The following LSAMP variants were observed in gnomAD, a reference collection of about 807,000 sequenced individuals.
LSAMP encodes limbic system-associated membrane protein.
In LSAMP, 7 loss-of-function variants were observed where a neutral mutation model predicts 38.6. The ratio of observed to expected loss-of-function variants is 0.18; its 90% CI spans 0.10 to 0.34. LSAMP has a LOEUF of 0.34. LSAMP is among the 10% of genes least tolerant of loss of function. The pLI, the probability that LSAMP is intolerant of heterozygous loss-of-function variation, is 1.00. For synonymous variants in LSAMP, 154 were observed against 166.8 expected (o/e 0.92, Z 0.59); for missense variants, 313 against 420.0 (o/e 0.75, Z 2.23).
At chr3:115,815,275 A>G (rs756777844) in intron 6 of LSAMP, among the ~76,000 whole-genome samples, 20 of 152,218 alleles carry the variant, frequency 1.3e-4, no homozygotes, top group Non-Finnish European at 2.8e-4. Flanking sequence ...ATACGTATGT[A>G]TATGAAAAAA....
intron 3 of LSAMP, among the ~76,000 whole-genome samples, chr3:115,915,002 T>C (rs1334723790): frequency 6.6e-6 from 1 of 152,176 alleles, no homozygotes; most frequent in Non-Finnish European, 1.5e-5. Flanking sequence ...GTGTGTTAGG[T>C]ACTTCTTTTA....
chr3:115,948,478 C>T (rs1245272592), intron 3 of LSAMP, among the ~76,000 whole-genome samples: 5 of 151,996 alleles, frequency 3.3e-5, no homozygotes, highest in Non-Finnish European at 7.4e-5. Flanking sequence ...CCAAAAAGAA[C>T]CCTCAAAACC....
intron 2 of LSAMP, among the ~76,000 whole-genome samples, chr3:116,063,231 AT>A (rs1232543449): frequency 6.6e-6 from 1 of 152,150 alleles, no homozygotes; most frequent in East Asian, 1.9e-4. Flanking sequence ...GACAAACCTC[AT>A]TAAATATTTT....
intron 2 of LSAMP, among the ~76,000 whole-genome samples, chr3:116,045,664 T>C (rs2107725110): frequency 6.6e-6 from 1 of 152,120 alleles, no homozygotes; most frequent in African/African-American, 2.4e-5. Context: ...TCTTCATAAG[T>C]TGGATGTTAC....
intron 1 of LSAMP, among the ~76,000 whole-genome samples, chr3:116,147,496 A>T (rs1420455576): frequency 6.6e-6 from 1 of 151,958 alleles, no homozygotes; most frequent in Non-Finnish European, 1.5e-5. Flanking sequence ...AATTTCACAT[A>T]ACATAATTTT....
chr3:116,214,669 A>T (rs1482544882), intron 1 of LSAMP, among the ~76,000 whole-genome samples: 2 of 151,698 alleles, frequency 1.3e-5, no homozygotes, highest in Admixed American at 1.3e-4. Context: ...CGCATGGCTA[A>T]TTTTTGTATT....
chr3:116,311,262 T>G (rs1025407904), intron 1 of LSAMP, among the ~76,000 whole-genome samples: 1 of 152,200 alleles, frequency 6.6e-6, no homozygotes, highest in Non-Finnish European at 1.5e-5. Context: ...ACTTTCAATA[T>G]TAAAGTCAGT....
intron 1 of LSAMP, among the ~76,000 whole-genome samples, chr3:116,227,951 A>G (rs953182192): frequency 1.3e-5 from 2 of 152,162 alleles, no homozygotes; most frequent in Non-Finnish European, 2.9e-5. Context: ...CAGGGCCGTA[A>G]CTATTTAAAT....
intron 3 of LSAMP, among the ~76,000 whole-genome samples, chr3:115,922,464 G>T (rs1018810027): frequency 6.6e-6 from 1 of 151,858 alleles, no homozygotes. Flanking sequence ...TTCTCATTTT[G>T]TTCATCATTA....
At chr3:115,870,458 G>A (rs1433364592) in intron 3 of LSAMP, among the ~76,000 whole-genome samples, 4 of 152,052 alleles carry the variant, frequency 2.6e-5, no homozygotes, top group Non-Finnish European at 5.9e-5. Flanking sequence ...TACATTTTTA[G>A]CTCTTCCTAA....
chr3:116,416,238 C>G (rs958873988), intron 1 of LSAMP, among the ~76,000 whole-genome samples: 3 of 152,144 alleles, frequency 2.0e-5, no homozygotes, highest in Admixed American at 6.5e-5. Flanking sequence ...TGCTCTCTCT[C>G]CAAGACATGT....
chr3:115,978,183 G>A (rs1478748651), intron 3 of LSAMP, among the ~76,000 whole-genome samples: 1 of 152,020 alleles, frequency 6.6e-6, no homozygotes. Context: ...CTTAAGGCAA[G>A]GAAATGGTAG....
intron 2 of LSAMP, among the ~76,000 whole-genome samples, chr3:116,050,816 T>A (rs1244030282): frequency 6.6e-6 from 1 of 152,184 alleles, no homozygotes; most frequent in Non-Finnish European, 1.5e-5. Context: ...AAATTCTGTC[T>A]TTTTTCCAAG....
intron 6 of LSAMP, among the ~76,000 whole-genome samples, chr3:115,840,282 G>C (rs1476312044): frequency 6.6e-6 from 1 of 152,010 alleles, no homozygotes; most frequent in Non-Finnish European, 1.5e-5. Flanking sequence ...AGTGAATGTT[G>C]TTCTGCTTAA....
chr3:116,161,370 T>C (rs566685610), intron 1 of LSAMP, among the ~76,000 whole-genome samples: 7 of 152,228 alleles, frequency 4.6e-5, no homozygotes, highest in Non-Finnish European at 7.3e-5. Context: ...TATACTAGTC[T>C]GTAAATAGCG....
chr3:116,387,079 G>A (rs2048635259), intron 1 of LSAMP, among the ~76,000 whole-genome samples: 2 of 152,142 alleles, frequency 1.3e-5, no homozygotes, highest in South Asian at 4.1e-4. Flanking sequence ...GGGAGAACAT[G>A]GATATCAGCC....
chr3:116,144,924 T>C (rs1002560760), intron 1 of LSAMP, among the ~76,000 whole-genome samples: 1 of 151,968 alleles, frequency 6.6e-6, no homozygotes, highest in Non-Finnish European at 1.5e-5. Flanking sequence ...TATAGAACTG[T>C]AGAAAATTTG....
chr3:115,928,818 A>C (rs1032376653), intron 3 of LSAMP, among the ~76,000 whole-genome samples: 2 of 152,158 alleles, frequency 1.3e-5, no homozygotes, highest in African/African-American at 2.4e-5. Context: ...GTGAAAGGAA[A>C]TTGAGAGAAA....
intron 3 of LSAMP, among the ~76,000 whole-genome samples, chr3:115,967,159 C>T (rs1293104828): frequency 6.6e-6 from 1 of 152,166 alleles, no homozygotes; most frequent in Admixed American, 6.5e-5. Context: ...GTGCCTTTAA[C>T]AGCACCCAAG....
Sources: gnomAD v4.1 joint callset for allele counts (sites outside exome capture counted in the v4.1 genomes callset) on GRCh38, gnomAD v4.1.1 for gene constraint, MANE v1.5 for transcripts, NCBI Gene and HGNC (gene_info 2026-07-23, HGNC 2026-07-21) for gene names.